The following FAF1 variants were observed in gnomAD, a reference collection of about 807,000 sequenced individuals.
The protein encoded by FAF1 is Fas associated factor 1.
A neutral mutation model predicts 92.5 loss-of-function variants in FAF1; 25 were observed. That is an observed-to-expected ratio of 0.27 (90% CI 0.20 to 0.38). The LOEUF is 0.38. Among genes scored for constraint, FAF1 ranks in the 10% least tolerant of loss-of-function variants. The probability of loss-of-function intolerance (pLI) is 1.00; values close to 1 mark genes in which losing one functional copy is unlikely to be tolerated. For synonymous variants in FAF1, 234 were observed against 273.2 expected (o/e 0.86, Z 1.42); for missense variants, 636 against 793.3 (o/e 0.80, Z 2.38).
At chr1:50,463,825 C>T (rs947235473) in intron 18 of FAF1, among the ~76,000 whole-genome samples, 2 of 152,204 alleles carry the variant, frequency 1.3e-5, no homozygotes, top group African/African-American at 4.8e-5. Flanking sequence ...TCTTGGAAGG[C>T]TCAGGCCCAA....
intron 7 of FAF1, among the ~76,000 whole-genome samples, chr1:50,695,600 C>A (rs1327596449): frequency 2.0e-5 from 3 of 152,118 alleles, no homozygotes; most frequent in Non-Finnish European, 4.4e-5. Flanking sequence ...GGGCCCATCT[C>A]TTTTATAATA....
Position 50,490,644 on chromosome 1 carries a change from T to A in FAF1, c.1597A>T (p.Met533Leu). ...TGCTCCAAACGAAACTGTTCTGCCA[T>A]CTCTCTCTCGTGAGCTTCCCTCTGT... is the stretch of plus-strand genomic sequence containing the variant. ...RAKREAHERE[M>L]AEQFRLEQIR... Residue 533 changes from methionine (M) to leucine (L), a missense_variant, in exon 17 of 19, where the codon ATG becomes TTG. This residue lies in a region of FAF1 where 319 missense variants were observed against 451.0 expected (regional missense o/e 0.71). Transcript: ENST00000396153. The A allele has an allele frequency of 6.2e-7, 1 of 1,610,954 alleles. No individual in the cohort carries two copies. Among genetic ancestry groups the A allele is most frequent in the South Asian group, 1.1e-5 (1 of 90,998 alleles).
chr1:50,933,855 T>C (rs780840154), intron 1 of FAF1, among the ~76,000 whole-genome samples: 1 of 151,948 alleles, frequency 6.6e-6, no homozygotes, highest in East Asian at 1.9e-4. Context: ...AAGAGAAAAA[T>C]GAGAAGGAAG....
At chr1:50,480,420 A>C (rs1165283784) in intron 17 of FAF1, among the ~76,000 whole-genome samples, 3 of 152,226 alleles carry the variant, frequency 2.0e-5, no homozygotes, top group South Asian at 2.1e-4. Context: ...AGTATGTATA[A>C]ATAACGGTTT....
intron 12 of FAF1, among the ~76,000 whole-genome samples, chr1:50,577,859 A>G (rs1650823573): frequency 6.6e-6 from 1 of 152,196 alleles, no homozygotes; most frequent in Admixed American, 6.5e-5. Context: ...TAGAATAACT[A>G]CTTTACCAAA....
At chr1:50,677,766 A>G (rs1195591147) in intron 7 of FAF1, among the ~76,000 whole-genome samples, 2 of 151,742 alleles carry the variant, frequency 1.3e-5, no homozygotes, top group Non-Finnish European at 2.9e-5. Flanking sequence ...TGGTGGGCGC[A>G]TGCCTGTAAT....
At chr1:50,732,069 A>G (rs1658947811) in intron 6 of FAF1, among the ~76,000 whole-genome samples, 1 of 151,232 alleles carries the variant, frequency 6.6e-6, no homozygotes. Context: ...CATTATTATT[A>G]TTATTTATTT....
At chr1:50,894,236 T>C (rs561718178) in intron 1 of FAF1, among the ~76,000 whole-genome samples, 1 of 148,040 alleles carries the variant, frequency 6.8e-6, no homozygotes, top group East Asian at 2.0e-4. Flanking sequence ...GAGGTGGAGG[T>C]TGCAGTGAGC....
intron 15 of FAF1, among the ~76,000 whole-genome samples, chr1:50,522,971 A>G (rs1410547528): frequency 1.3e-5 from 2 of 152,060 alleles, no homozygotes; most frequent in African/African-American, 2.4e-5. Context: ...GTCCCCATAA[A>G]TTTGCCTATT....
At chr1:50,599,593 ATTT>A (rs1238136248) in intron 8 of FAF1, among the ~76,000 whole-genome samples, 2 of 147,366 alleles carry the variant, frequency 1.4e-5, no homozygotes, top group Non-Finnish European at 2.9e-5. Flanking sequence ...AAGTAATTTA[ATTT>A]ATTTATTAAG....
intron 4 of FAF1, among the ~76,000 whole-genome samples, chr1:50,758,131 T>G (rs958056357): frequency 6.6e-6 from 1 of 152,232 alleles, no homozygotes; most frequent in Non-Finnish European, 1.5e-5. Context: ...TTGGCCAGGC[T>G]GGTCTCAAAC....
At chr1:50,661,591 G>A (rs571657890) in intron 7 of FAF1, among the ~76,000 whole-genome samples, 2 of 152,210 alleles carry the variant, frequency 1.3e-5, no homozygotes, top group South Asian at 2.1e-4. Flanking sequence ...AGCTTAGACC[G>A]AATTTTAAAT....
chr1:50,945,713 A>T (rs937941043), intron 1 of FAF1, among the ~76,000 whole-genome samples: 2 of 152,246 alleles, frequency 1.3e-5, no homozygotes, highest in Non-Finnish European at 2.9e-5. Flanking sequence ...AACAAGAGCT[A>T]TCTTTAACTT....
chr1:50,744,849 C>T lies in FAF1; in HGVS notation c.368-74G>A, dbSNP rs188597981. 4.5e-4 allele frequency: 376 copies of T among 829,712 alleles called. 1 individual carries two copies. In the African/African-American group the frequency reaches 5.6e-3, roughly 12 times the overall value. The allele number at this position is 829,712 out of a possible 1,614,324, so 51.4% of individuals were successfully genotyped here. On this transcript the variant is annotated intron_variant, in intron 4 of 18. Transcript: ENST00000396153. ...AACATTTGTCCATATCCAGAGCTAA[C>T]ACTAATATGTGGCATACAGTGTACA...
rs894734975 is a variant in FAF1 at position 50,655,591 on chromosome 1, C to G, written c.658-63G>C. On this transcript the variant is annotated intron_variant, in intron 7 of 18. Coordinates refer to ENST00000396153, the MANE Select transcript of FAF1 (RefSeq NM_007051.3). ...TTTCACATGACTTACAGTTTCCAAT[C>G]AATTTATGAGACATACAGTGTATTT... 6 of 1,036,250 alleles carry G rather than the reference C, an allele frequency of 5.8e-6. No individual in the cohort carries two copies. The African/African-American group carries it at 9.6e-5, about 17-fold the overall frequency. The allele number at this position is 1,036,250 out of a possible 1,614,324, so 64.2% of individuals were successfully genotyped here. A position where few individuals can be genotyped will look rare whatever the true frequency, so the allele number is the denominator to read the frequency against.
At chr1:50,933,574 A>G (rs1408162348) in intron 1 of FAF1, among the ~76,000 whole-genome samples, 2 of 152,194 alleles carry the variant, frequency 1.3e-5, no homozygotes, top group Non-Finnish European at 2.9e-5. Context: ...AAACTTTCCC[A>G]TATTTTCCTG....
intron 15 of FAF1, among the ~76,000 whole-genome samples, chr1:50,492,606 C>T (rs960404649): frequency 6.6e-6 from 1 of 151,890 alleles, no homozygotes; most frequent in African/African-American, 2.4e-5. Context: ...AATACCCACA[C>T]CTGTCTACAC....
intron 4 of FAF1, among the ~76,000 whole-genome samples, chr1:50,767,882 A>G (rs562174100): frequency 1.3e-5 from 2 of 152,190 alleles, no homozygotes; most frequent in South Asian, 2.1e-4. Context: ...ACAAACAATT[A>G]CACAATCAAG....
At chr1:50,905,383 C>A (rs61782375) in intron 1 of FAF1, among the ~76,000 whole-genome samples, 71 of 152,304 alleles carry the variant, frequency 4.7e-4, no homozygotes, top group Non-Finnish European at 9.3e-4. Flanking sequence ...GATTCATAAT[C>A]CTTTGGATAT....
Sources: allele counts gnomAD v4.1 joint callset (sites outside exome capture counted in the v4.1 genomes callset), GRCh38; gene constraint gnomAD v4.1.1; regional missense constraint gnomAD v4.1.1; transcripts MANE v1.5; gene names NCBI Gene and HGNC (gene_info 2026-07-23, HGNC 2026-07-21).